Variants in KIAA1217 observed in about 807,000 individuals in gnomAD.
The protein encoded by KIAA1217 is sickle tail protein homolog.
A neutral mutation model predicts 163.9 loss-of-function variants in KIAA1217; 88 were observed. The observed-to-expected ratio is 0.54, with a 90% CI of 0.45 to 0.64. KIAA1217 has a LOEUF of 0.64. Among genes scored for constraint, KIAA1217 ranks in the 30% least tolerant of loss-of-function variants. KIAA1217 has a pLI of 0.00. For missense variants in KIAA1217, 2,372 were observed against 2,475.0 expected (o/e 0.96, Z 0.88); for synonymous variants, 903 against 923.1 (o/e 0.98, Z 0.39).
intron 1 of KIAA1217, among the ~76,000 whole-genome samples, chr10:23,801,072 A>G (rs1362255830): frequency 6.6e-6 from 1 of 152,186 alleles, no homozygotes; most frequent in Non-Finnish European, 1.5e-5. Context: ...CTTGGAACCA[A>G]CCCAAATGCC....
At chr10:24,386,206 A>T (rs1591506369) in intron 3 of KIAA1217, among the ~76,000 whole-genome samples, 1 of 152,314 alleles carries the variant, frequency 6.6e-6, no homozygotes, top group Admixed American at 6.5e-5. Context: ...CCTCTGAAAC[A>T]CTCAGACTGA....
chr10:23,766,587 C>CTTTTTTTTTTTTTTTTTTTTTTTTTTTT (rs766892555), intron 1 of KIAA1217, among the ~76,000 whole-genome samples: 1 of 133,758 alleles, frequency 7.5e-6, no homozygotes, highest in African/African-American at 3.0e-5. Context: ...TTCTTTCTTT[C>CTTTTTTTTTTTTTTTTTTTTTTTTTTTT]TTTTTTCTTT....
chr10:23,994,176 C>T (rs1478403025), intron 1 of KIAA1217, among the ~76,000 whole-genome samples: 2 of 152,120 alleles, frequency 1.3e-5, no homozygotes, highest in Non-Finnish European at 2.9e-5. Context: ...CTTAGAAAAA[C>T]CCTCCCATTG....
chr10:24,448,141 G>A (rs539831015), intron 5 of KIAA1217, among the ~76,000 whole-genome samples: 1 of 152,048 alleles, frequency 6.6e-6, no homozygotes, highest in South Asian at 2.1e-4. Flanking sequence ...AAAAAAAGAA[G>A]TTAATAACCC....
Position 23,867,285 on chromosome 10 carries a change from A to G in KIAA1217, c.-320-139940A>G, listed in dbSNP as rs1173180232. Among the ~76,000 whole-genome samples the G allele has an allele frequency of 3.3e-5, 5 of 151,848 alleles. 1 individual carries two copies. In the South Asian group the frequency reaches 1.0e-3, roughly 32 times the overall value. On this transcript the variant is annotated intron_variant, in intron 1 of 18. Transcript: ENST00000376462. Reference sequence around the variant, plus strand: ...TTTGGGTTGGTTCCAAGTCTTTGCTATTGTGAATAGTGCCGCAATAAACAT... The same window carrying G: ...TTTGGGTTGGTTCCAAGTCTTTGCTGTTGTGAATAGTGCCGCAATAAACAT...
intron 2 of KIAA1217, among the ~76,000 whole-genome samples, chr10:24,232,128 C>T (rs1360862789): frequency 1.3e-5 from 2 of 152,140 alleles, no homozygotes; most frequent in Non-Finnish European, 2.9e-5. Flanking sequence ...ACTCAAAGGT[C>T]GTTGAAGTAC....
chr10:23,824,404 C>T (rs2131020827), intron 1 of KIAA1217, among the ~76,000 whole-genome samples: 1 of 151,384 alleles, frequency 6.6e-6, no homozygotes, highest in Non-Finnish European at 1.5e-5. Context: ...TCGAGGTGGG[C>T]AGACGATGAG....
At chr10:24,483,721 C>T (rs538944865) in intron 6 of KIAA1217, among the ~76,000 whole-genome samples, 1 of 152,292 alleles carries the variant, frequency 6.6e-6, no homozygotes, top group African/African-American at 2.4e-5. Flanking sequence ...CCGTGTTCAG[C>T]TGGCCCATAA....
intron 2 of KIAA1217, among the ~76,000 whole-genome samples, chr10:24,307,594 A>G (rs2042143983): frequency 6.8e-6 from 1 of 148,020 alleles, no homozygotes; most frequent in Non-Finnish European, 1.5e-5. Context: ...TGGACCACAT[A>G]ATGAGACCCC....
In KIAA1217 at chr10:24,484,253, T is replaced by A. The variant is rs1282568740; in HGVS notation, c.1679+10193T>A. On this transcript the variant is annotated intron_variant, in intron 6 of 20. Coordinates refer to ENST00000376454, the MANE Select transcript of KIAA1217 (RefSeq NM_019590.5). ...TATATATATATATATTTTTTTTTTT[T>A]TTTTTTTTTTTGAAACAGTCTCGCT... Among the ~76,000 whole-genome samples the A allele has an allele frequency of 7.4e-3, 856 of 115,018 alleles. 21 individuals are homozygous for A. Among genetic ancestry groups the A allele is most frequent in the African/African-American group, 0.027 (809 of 29,466 alleles). The allele number at this position is 115,018 out of a possible 152,430, so 75.5% of individuals were successfully genotyped here. A position where few individuals can be genotyped will look rare whatever the true frequency, so the allele number is the denominator to read the frequency against.
chr10:24,388,286 C>G (rs986514074), intron 3 of KIAA1217, among the ~76,000 whole-genome samples: 3 of 152,086 alleles, frequency 2.0e-5, no homozygotes, highest in African/African-American at 7.2e-5. Context: ...ACAAACCTGA[C>G]AAAAACAAGC....
intron 1 of KIAA1217, among the ~76,000 whole-genome samples, chr10:23,716,593 C>T (rs904338694): frequency 2.0e-5 from 3 of 152,142 alleles, no homozygotes; most frequent in African/African-American, 4.8e-5. Flanking sequence ...CAACTTCTCC[C>T]TCTGGAGGCT....
intron 11 of KIAA1217, among the ~76,000 whole-genome samples, chr10:24,520,511 C>G (rs2070933677): frequency 6.7e-6 from 1 of 150,108 alleles, no homozygotes; most frequent in African/African-American, 2.5e-5. Flanking sequence ...TTGCTAGGCT[C>G]TTACAGTGCA....
intron 9 of KIAA1217, among the ~76,000 whole-genome samples, chr10:24,507,972 T>A (rs1442873566): frequency 6.6e-6 from 1 of 152,176 alleles, no homozygotes; most frequent in African/African-American, 2.4e-5. Flanking sequence ...TTTAAAGTAT[T>A]GAAAGGAAGA....
intron 2 of KIAA1217, among the ~76,000 whole-genome samples, chr10:24,183,186 A>C (rs1183248886): frequency 6.6e-6 from 1 of 152,202 alleles, no homozygotes; most frequent in Non-Finnish European, 1.5e-5. Context: ...CCCTCACCGG[A>C]AGTCAAGGTG....
chr10:23,947,679 T>G (rs1394551624), intron 1 of KIAA1217, among the ~76,000 whole-genome samples: 1 of 152,214 alleles, frequency 6.6e-6, no homozygotes, highest in Non-Finnish European at 1.5e-5. Flanking sequence ...AAATATTGAT[T>G]GATTGCCTTA....
intron 3 of KIAA1217, among the ~76,000 whole-genome samples, chr10:24,396,678 C>T (rs979273358): frequency 6.6e-6 from 1 of 152,124 alleles, no homozygotes. Flanking sequence ...GGCAGAGGAA[C>T]AGTCAATGCA....
intron 3 of KIAA1217, among the ~76,000 whole-genome samples, chr10:24,388,083 G>A (rs2054274942): frequency 6.6e-6 from 1 of 152,202 alleles, no homozygotes; most frequent in Non-Finnish European, 1.5e-5. Flanking sequence ...CCAAAAAAGA[G>A]GCTGTATAGC....
intron 2 of KIAA1217, among the ~76,000 whole-genome samples, chr10:24,133,072 A>G (rs936606118): frequency 2.7e-5 from 4 of 147,424 alleles, no homozygotes; most frequent in Non-Finnish European, 6.0e-5. Context: ...CACTGAGAGA[A>G]AAAAAAAAAA....
Sources: gnomAD v4.1 joint callset for allele counts (sites outside exome capture counted in the v4.1 genomes callset) on GRCh38, gnomAD v4.1.1 for gene constraint, MANE v1.5 for transcripts, NCBI Gene and HGNC (gene_info 2026-07-23, HGNC 2026-07-21) for gene names.